Variants in XRCC4 observed in about 807,000 individuals in gnomAD.
XRCC4 encodes the protein X-ray repair cross complementing 4.
In XRCC4, 28 loss-of-function variants were observed where a neutral mutation model predicts 39.1. The observed-to-expected ratio is 0.72, with a 90% CI of 0.53 to 0.98. The LOEUF is 0.98. Among genes scored for constraint, XRCC4 ranks in the 50% least tolerant of loss-of-function variants. The pLI is 0.00. For synonymous variants in XRCC4, 123 were observed against 126.4 expected, an observed-to-expected ratio of 0.97 and a Z score of 0.18; for missense variants, 350 against 376.4, an observed-to-expected ratio of 0.93 and a Z score of 0.58.
In XRCC4 at chr5:83,155,039, T is replaced by C. The variant is rs16900197; in HGVS notation, c.316-40731T>C. On this transcript the variant is annotated intron_variant, in intron 3 of 7. Transcript: ENST00000396027. Reference sequence around the variant, plus strand: ...TGGAAATTCTTTACTCCTCTACTTATTCTTTAATACAAAAATTCTTAGTCC... The same window carrying C: ...TGGAAATTCTTTACTCCTCTACTTACTCTTTAATACAAAAATTCTTAGTCC... Among the ~76,000 whole-genome samples, 1,413 of 152,302 alleles carry C rather than the reference T, an allele frequency of 9.3e-3. 18 individuals carry two copies. Among genetic ancestry groups the C allele is most frequent in the African/African-American group, 0.032 (1,329 of 41,558 alleles).
intron 1 of XRCC4, among the ~76,000 whole-genome samples, chr5:83,102,788 A>C (rs1445392396): frequency 6.6e-6 from 1 of 151,942 alleles, no homozygotes; most frequent in Non-Finnish European, 1.5e-5. Flanking sequence ...TTTATCTGGT[A>C]ACTTTAGAAG....
intron 3 of XRCC4, among the ~76,000 whole-genome samples, chr5:83,123,809 G>C (rs574966551): frequency 2.0e-5 from 3 of 151,962 alleles, no homozygotes; most frequent in East Asian, 3.9e-4. Context: ...TTTCATTTCT[G>C]CTTTTATGAG....
intron 2 of XRCC4, among the ~76,000 whole-genome samples, chr5:83,106,771 C>T (rs1031518118): frequency 5.3e-5 from 8 of 151,934 alleles, no homozygotes; most frequent in African/African-American, 1.7e-4. Context: ...GGTTTGTCAA[C>T]ACTCTTTGCA....
chr5:83,189,832 A>C (rs115106181), intron 3 of XRCC4, among the ~76,000 whole-genome samples: 135 of 152,312 alleles, frequency 8.9e-4, no homozygotes, highest in Non-Finnish European at 1.7e-3. Context: ...TGGGAGGCCA[A>C]GGCAGGCATA....
chr5:83,187,388 C>G (rs1445624467), intron 3 of XRCC4, among the ~76,000 whole-genome samples: 1 of 152,320 alleles, frequency 6.6e-6, no homozygotes, highest in Non-Finnish European at 1.5e-5. Context: ...AGAATAATCT[C>G]TCATCTCAAA....
At chr5:83,369,540 G>A in the XRCC4 span, among the ~76,000 whole-genome samples, 1 of 152,290 alleles carries the variant, frequency 6.6e-6, no homozygotes, top group Non-Finnish European at 1.5e-5. Context: ...TTAGGATAAT[G>A]GCCTCCAGCT....
At chr5:83,254,274 T>C (rs1753442522) in intron 6 of XRCC4, among the ~76,000 whole-genome samples, 1 of 152,142 alleles carries the variant, frequency 6.6e-6, no homozygotes, top group African/African-American at 2.4e-5. Context: ...ACTTGCAAGC[T>C]GATTTAACAT....
chr5:83,289,519 T>C (rs1322447412), intron 7 of XRCC4, among the ~76,000 whole-genome samples: 1 of 151,904 alleles, frequency 6.6e-6, no homozygotes, highest in Non-Finnish European at 1.5e-5. Context: ...TTGGCTTTCC[T>C]AAATTCTTCT....
intron 7 of XRCC4, among the ~76,000 whole-genome samples, chr5:83,304,360 A>C (rs889395400): frequency 2.0e-5 from 3 of 151,940 alleles, no homozygotes; most frequent in Admixed American, 6.6e-5. Context: ...CTTGGTAAAG[A>C]TCTTCGTATT....
intron 7 of XRCC4, among the ~76,000 whole-genome samples, chr5:83,263,066 C>T (rs13177545): frequency 2.1e-5 from 3 of 143,416 alleles, no homozygotes; most frequent in African/African-American, 5.2e-5. Context: ...CATTGTTCAA[C>T]TCCCACCTAT....
At chr5:83,106,088 G>A (rs1580225911) in intron 2 of XRCC4, among the ~76,000 whole-genome samples, 1 of 152,116 alleles carries the variant, frequency 6.6e-6, no homozygotes, top group Non-Finnish European at 1.5e-5. Flanking sequence ...AATATTTGCA[G>A]TACTTATTAT....
chr5:83,274,413 A>G (rs1754253556), intron 7 of XRCC4, among the ~76,000 whole-genome samples: 1 of 152,182 alleles, frequency 6.6e-6, no homozygotes. Flanking sequence ...AATCATAAGC[A>G]TCTTTTCAAC....
At chr5:83,321,769 A>T (rs1430037178) in intron 7 of XRCC4, among the ~76,000 whole-genome samples, 13 of 152,012 alleles carry the variant, frequency 8.6e-5, no homozygotes, top group Admixed American at 8.5e-4. Flanking sequence ...ATAATTGCAA[A>T]GATGTGATAT....
At chr5:83,268,640 A>G (rs1406507383) in intron 7 of XRCC4, among the ~76,000 whole-genome samples, 1 of 152,124 alleles carries the variant, frequency 6.6e-6, no homozygotes, top group Non-Finnish European at 1.5e-5. Context: ...TCCTCTGGAC[A>G]TGTGTTTTGA....
At chr5:83,355,891 G>T (rs999704905), downstream of XRCC4, among the ~76,000 whole-genome samples, 2 of 152,130 alleles carry the variant, frequency 1.3e-5, no homozygotes, top group Non-Finnish European at 1.5e-5. Flanking sequence ...GCCCACCTCG[G>T]CCTCCCAAAG....
intron 3 of XRCC4, among the ~76,000 whole-genome samples, chr5:83,187,977 A>G (rs140017929): frequency 5.8e-4 from 89 of 152,318 alleles, no homozygotes; most frequent in African/African-American, 2.1e-3. Flanking sequence ...GACAATAGCA[A>G]CTAGAGGGAT....
intron 7 of XRCC4, among the ~76,000 whole-genome samples, chr5:83,320,902 C>T (rs962405063): frequency 2.7e-5 from 4 of 149,882 alleles, no homozygotes; most frequent in African/African-American, 9.8e-5. Flanking sequence ...ACCTCTGCCT[C>T]CCATGTTCAA....
At chr5:83,368,077 GAA>G in the XRCC4 span, among the ~76,000 whole-genome samples, 1 of 142,268 alleles carries the variant, frequency 7.0e-6, no homozygotes. Context: ...ACCCCAATAA[GAA>G]AAAAAAAAAA....
At chr5:83,233,287 T>A (rs1752563985) in intron 6 of XRCC4, among the ~76,000 whole-genome samples, 1 of 152,128 alleles carries the variant, frequency 6.6e-6, no homozygotes, top group South Asian at 2.1e-4. Flanking sequence ...TAACCACATC[T>A]TCTGTGGCTG....
Sources: allele counts gnomAD v4.1 joint callset (sites outside exome capture counted in the v4.1 genomes callset), GRCh38; gene constraint gnomAD v4.1.1; transcripts MANE v1.5; gene names NCBI Gene and HGNC (gene_info 2026-07-23, HGNC 2026-07-21).